The following KCNK10 variants were observed in gnomAD, a reference collection of about 807,000 sequenced individuals.
KCNK10 encodes the protein potassium two pore domain channel subfamily K member 10.
In KCNK10, 25 loss-of-function variants were observed where a neutral mutation model predicts 47.7. That is an observed-to-expected ratio of 0.52 (90% confidence interval 0.38 to 0.73). The LOEUF (loss-of-function observed/expected upper bound fraction) is 0.73. Among genes scored for constraint, KCNK10 ranks in the 30% least tolerant of loss-of-function variants. The pLI is 0.00. For missense variants in KCNK10, 563 were observed against 714.5 expected, an observed-to-expected ratio of 0.79 and a Z score of 2.42; for synonymous variants, 303 against 285.6, an observed-to-expected ratio of 1.06 and a Z score of -0.61.
At chr14:88,235,518 A>G (rs1057461452) in intron 3 of KCNK10, among the ~76,000 whole-genome samples, 1 of 152,218 alleles carries the variant, frequency 6.6e-6, no homozygotes, top group Non-Finnish European at 1.5e-5. Context: ...CAACAAGTGA[A>G]GATGAAATGT....
intron 4 of KCNK10, among the ~76,000 whole-genome samples, chr14:88,212,109 A>ATATATATATATATATATAT (rs1885476186): frequency 4.5e-5 from 6 of 133,334 alleles, no homozygotes; most frequent in African/African-American, 1.4e-4. Flanking sequence ...TGATAGTGAG[A>ATATATATATATATATATAT]ATATATATAT....
chr14:88,219,763 A>G (rs1388452095), intron 4 of KCNK10, among the ~76,000 whole-genome samples: 1 of 152,214 alleles, frequency 6.6e-6, no homozygotes, highest in Non-Finnish European at 1.5e-5. Flanking sequence ...TGGTAAACAC[A>G]GATTGCTGAG....
At chr14:88,313,476 T>C (rs947965288) in intron 1 of KCNK10, among the ~76,000 whole-genome samples, 2 of 152,216 alleles carry the variant, frequency 1.3e-5, no homozygotes, top group Non-Finnish European at 2.9e-5. Flanking sequence ...CCTTGTTCTC[T>C]CTTGAATCAC....
chr14:88,290,240 A>T (rs1478572115), intron 1 of KCNK10, among the ~76,000 whole-genome samples: 1 of 152,158 alleles, frequency 6.6e-6, no homozygotes, highest in Non-Finnish European at 1.5e-5. Flanking sequence ...GGACAGATGC[A>T]AAGGTTACAG....
intron 1 of KCNK10, among the ~76,000 whole-genome samples, chr14:88,298,464 C>A (rs990613218): frequency 6.6e-6 from 1 of 152,232 alleles, no homozygotes; most frequent in African/African-American, 2.4e-5. Flanking sequence ...ACCATACAAT[C>A]ACCATCCTCC....
rs996626750 is a variant in KCNK10 at position 88,267,315 on chromosome 14, A to G, written c.53-3764T>C. On this transcript the variant is annotated intron_variant, in intron 1 of 6. Transcript: ENST00000319231. ...TTGGCAAAGAAGACTGCACATCTCA[A>G]TGGCTAGAAAAGGATCTGGATTGTG... Among the ~76,000 whole-genome samples the G allele has an allele frequency of 4.6e-5, 7 of 152,222 alleles. No homozygotes were observed. In the East Asian group the frequency reaches 1.4e-3, roughly 29 times the overall value.
intron 3 of KCNK10, among the ~76,000 whole-genome samples, chr14:88,238,100 CT>C (rs149832452): frequency 0.065 from 9,950 of 152,240 alleles, 782 homozygotes; most frequent in African/African-American, 0.19. Context: ...TTAACCTGCA[CT>C]TTTATGTTAT....
intron 1 of KCNK10, among the ~76,000 whole-genome samples, chr14:88,282,606 C>T (rs1006162263): frequency 6.6e-6 from 1 of 152,186 alleles, no homozygotes; most frequent in African/African-American, 2.4e-5. Context: ...CAATTAGCTA[C>T]TGGCATGAAG....
chr14:88,296,500 G>C (rs10467849), intron 1 of KCNK10, among the ~76,000 whole-genome samples: 1,943 of 111,654 alleles, frequency 0.017, 54 homozygotes, highest in African/African-American at 0.051. Flanking sequence ...TACACACCGA[G>C]CCTAATCTCT....
At chr14:88,192,860 C>T (rs952667119) in intron 4 of KCNK10, among the ~76,000 whole-genome samples, 17 of 152,134 alleles carry the variant, frequency 1.1e-4, no homozygotes, top group African/African-American at 4.1e-4. Context: ...TGCACCGTTT[C>T]CCTTGTGTCA....
intron 4 of KCNK10, among the ~76,000 whole-genome samples, chr14:88,219,213 C>A (rs116167566): frequency 3.3e-3 from 506 of 152,282 alleles, no homozygotes; most frequent in African/African-American, 0.012. Context: ...AGAGTGGGAC[C>A]CAGGAGTGCA....
At chr14:88,275,517 G>A (rs757992367) in intron 1 of KCNK10, among the ~76,000 whole-genome samples, 1 of 151,918 alleles carries the variant, frequency 6.6e-6, no homozygotes, top group Non-Finnish European at 1.5e-5. Context: ...TTATTTAGGA[G>A]ATCCCTCCAG....
At chr14:88,191,243 C>T (rs1000581729) in intron 5 of KCNK10, among the ~76,000 whole-genome samples, 4 of 150,598 alleles carry the variant, frequency 2.7e-5, no homozygotes, top group African/African-American at 9.8e-5. Flanking sequence ...AGAGGGAGAC[C>T]CTGTTCAAAA....
At chr14:88,202,830 G>A (rs1408482819) in intron 4 of KCNK10, among the ~76,000 whole-genome samples, 1 of 152,186 alleles carries the variant, frequency 6.6e-6, no homozygotes, top group Non-Finnish European at 1.5e-5. Context: ...CAGTCTGGAG[G>A]CCAAGAGGAA....
intron 1 of KCNK10, among the ~76,000 whole-genome samples, chr14:88,302,835 G>A (rs1407332067): frequency 6.6e-6 from 1 of 152,176 alleles, no homozygotes; most frequent in African/African-American, 2.4e-5. Context: ...GGAAGGGTCA[G>A]GGAAAATGTG....
At chr14:88,302,348 C>A (rs57125176) in intron 1 of KCNK10, among the ~76,000 whole-genome samples, 17,214 of 152,166 alleles carry the variant, frequency 0.11, 1,114 homozygotes, top group Middle Eastern at 0.17. Flanking sequence ...TTGGGCATTC[C>A]ACCAATTAGA....
intron 1 of KCNK10, among the ~76,000 whole-genome samples, chr14:88,315,173 G>A (rs972043727): frequency 7.9e-5 from 12 of 152,172 alleles, no homozygotes; most frequent in African/African-American, 2.7e-4. Context: ...TTGTAAGAAT[G>A]TAGAGGCCGA....
upstream of KCNK10, among the ~76,000 whole-genome samples, chr14:88,325,368 G>A (rs544137662): frequency 6.6e-6 from 1 of 152,294 alleles, no homozygotes; most frequent in South Asian, 2.1e-4. Flanking sequence ...AGCACGGGGA[G>A]GCAAGATTGA....
intron 4 of KCNK10, among the ~76,000 whole-genome samples, chr14:88,212,644 T>G (rs1885498066): frequency 6.6e-6 from 1 of 152,024 alleles, no homozygotes; most frequent in Non-Finnish European, 1.5e-5. Flanking sequence ...AAACGACACC[T>G]CAGGCTCCTA....
Sources: allele counts gnomAD v4.1 joint callset (sites outside exome capture counted in the v4.1 genomes callset), GRCh38; gene constraint gnomAD v4.1.1; transcripts MANE v1.5; gene names NCBI Gene and HGNC (gene_info 2026-07-23, HGNC 2026-07-21).